PTK2B: variants seen among roughly 807,000 people sequenced by gnomAD.
PTK2B encodes protein-tyrosine kinase 2-beta.
In PTK2B, 71 loss-of-function variants were observed where a neutral mutation model predicts 142.9. The ratio of observed to expected loss-of-function variants is 0.50; its 90% CI spans 0.41 to 0.61. The LOEUF is 0.61. Among genes scored for constraint, PTK2B ranks in the 20% least tolerant of loss-of-function variants. The pLI, the probability that PTK2B is intolerant of heterozygous loss-of-function variation, is 0.00. For synonymous variants in PTK2B, 519 were observed against 503.4 expected, an observed-to-expected ratio of 1.03 and a Z score of -0.42; for missense variants, 1,105 against 1,320.4, an observed-to-expected ratio of 0.84 and a Z score of 2.53.
Position 27,358,111 on chromosome 8 carries a change from T to A in PTK2B, c.-38+32430T>A, listed in dbSNP as rs577583860. On this transcript the variant is annotated intron_variant, in intron 1 of 30. Transcript: ENST00000346049. Reference sequence around the variant, plus strand: ...CATAGTAGACGTTCCCTTTTTCTCATTAGTTCTCTTCATCCTCACTCTTTG... The same window carrying A: ...CATAGTAGACGTTCCCTTTTTCTCAATAGTTCTCTTCATCCTCACTCTTTG... 2.0e-5 allele frequency among the ~76,000 whole-genome samples: 3 copies of A among 152,356 alleles called. No homozygotes were observed. The East Asian group carries it at 5.8e-4, about 29-fold the overall frequency.
At chr8:27,320,272 C>G (rs1485296944) in intron 3 of PTK2B, among the ~76,000 whole-genome samples, 2 of 152,132 alleles carry the variant, frequency 1.3e-5, no homozygotes, top group Non-Finnish European at 2.9e-5. Context: ...CTTTCATGGC[C>G]ATGAGACAAG....
chr8:27,391,054 ACT>A lies in PTK2B; in HGVS notation c.-37-6486_-37-6485del, dbSNP rs1166972947. On this transcript the variant is annotated intron_variant, in intron 1 of 30. Coordinates refer to ENST00000346049, the MANE Select transcript of PTK2B (RefSeq NM_173176.3). ...CTTTCTGACTAATGGGCCCCTTTCC[ACT>A]CTCTCTCAAATCAGGAACAGAACCT... Among the ~76,000 whole-genome samples, 5 of 147,108 alleles carry A rather than the reference ACT, an allele frequency of 3.4e-5. No homozygotes were observed. The South Asian group carries it at 6.5e-4, about 19-fold the overall frequency.
At chr8:27,357,708 G>A (rs1017182368) in intron 1 of PTK2B, among the ~76,000 whole-genome samples, 11 of 152,176 alleles carry the variant, frequency 7.2e-5, no homozygotes, top group African/African-American at 2.4e-4. Flanking sequence ...GATATAGATA[G>A]CCAAGAGTAA....
At chr8:27,319,215 C>T (rs1438893748) in intron 3 of PTK2B, among the ~76,000 whole-genome samples, 1 of 151,958 alleles carries the variant, frequency 6.6e-6, no homozygotes, top group Admixed American at 6.6e-5. Context: ...CCCCACATAC[C>T]CATCATTCAG....
At chr8:27,441,158 C>G (rs1486274033) in intron 21 of PTK2B, among the ~76,000 whole-genome samples, 1 of 152,180 alleles carries the variant, frequency 6.6e-6, no homozygotes, top group Non-Finnish European at 1.5e-5. Flanking sequence ...ACTGCTAACT[C>G]TCTTAGCTCA....
At chr8:27,437,741 G>A (rs975731001) in intron 17 of PTK2B, 24 bp from the exon 18 acceptor site, 2 of 1,594,090 alleles carry the variant, frequency 1.3e-6, no homozygotes, top group Non-Finnish European at 1.7e-6. Flanking sequence ...CAGGGGTCTT[G>A]ATGGCACCTC....
At chr8:27,436,571 G>A (rs1346772250) in intron 15 of PTK2B, among the ~76,000 whole-genome samples, 1 of 152,058 alleles carries the variant, frequency 6.6e-6, no homozygotes, top group African/African-American at 2.4e-5. Flanking sequence ...CAGGGGTGGA[G>A]ATATAGGCAG....
chr8:27,447,628 G>A (rs1811549755), intron 24 of PTK2B, among the ~76,000 whole-genome samples: 2 of 152,240 alleles, frequency 1.3e-5, no homozygotes, highest in Admixed American at 6.5e-5. Flanking sequence ...GGAGGCCAAG[G>A]TGGGTGGATC....
intron 1 of PTK2B, among the ~76,000 whole-genome samples, chr8:27,358,313 T>C (rs1039300573): frequency 6.6e-6 from 1 of 152,184 alleles, no homozygotes; most frequent in Non-Finnish European, 1.5e-5. Context: ...AAAGAAGCAA[T>C]ACTTTTTGCA....
At chr8:27,358,392 C>T (rs1805508792) in intron 1 of PTK2B, among the ~76,000 whole-genome samples, 1 of 152,112 alleles carries the variant, frequency 6.6e-6, no homozygotes, top group South Asian at 2.1e-4. Context: ...ATGATTGTAA[C>T]TTCTTGGCAA....
chr8:27,375,184 T>G (rs1289517800), intron 1 of PTK2B, among the ~76,000 whole-genome samples: 1 of 152,220 alleles, frequency 6.6e-6, no homozygotes, highest in South Asian at 2.1e-4. Context: ...GTGCCAAGGC[T>G]GCAGCATAGG....
intron 23 of PTK2B, among the ~76,000 whole-genome samples, chr8:27,444,889 T>C (rs928187292): frequency 1.3e-5 from 2 of 152,128 alleles, no homozygotes; most frequent in Non-Finnish European, 1.5e-5. Flanking sequence ...ATAATGTCCA[T>C]TTAGTTGGTG....
chr8:27,359,727 CTCTT>C (rs1427076910), intron 1 of PTK2B, among the ~76,000 whole-genome samples: 2 of 152,292 alleles, frequency 1.3e-5, no homozygotes, highest in Admixed American at 1.3e-4. Flanking sequence ...TTTACCTTCT[CTCTT>C]TCTTTCTCTC....
At chr8:27,443,024 C>G in intron 22 of PTK2B, 41 bp downstream of exon 22, 1 of 1,511,892 alleles carries the variant, frequency 6.6e-7, no homozygotes, top group South Asian at 1.1e-5. Flanking sequence ...TGAGTCAAAG[C>G]AAAGCCAGGT....
intron 1 of PTK2B, among the ~76,000 whole-genome samples, chr8:27,388,718 C>T (rs1223151267): frequency 6.6e-6 from 1 of 152,180 alleles, no homozygotes; most frequent in African/African-American, 2.4e-5. Flanking sequence ...AAAGTATTTA[C>T]ACCAGAGAAA....
In PTK2B at chr8:27,422,512, C is replaced by T. The variant is rs1387346881; in HGVS notation, c.551+129C>T. 47 of 872,916 alleles carry T rather than the reference C, an allele frequency of 5.4e-5. No individual in the cohort carries two copies. The Admixed American group carries it at 1.3e-3, about 25-fold the overall frequency. The allele number at this position is 872,916 out of a possible 1,614,324, so 54.1% of individuals were successfully genotyped here. A position where few individuals can be genotyped will look rare whatever the true frequency, so the allele number is the denominator to read the frequency against. ...AGCCAGGAAGGGGAGAGGTGGTGAC[C>T]GGCAGCAGGTGAGGCTCTGAGGGGC... On this transcript the variant is annotated intron_variant, in intron 5 of 30. Transcript: ENST00000346049.
At chr8:27,361,197 CT>C (rs1401058268) in intron 1 of PTK2B, among the ~76,000 whole-genome samples, 2 of 152,002 alleles carry the variant, frequency 1.3e-5, no homozygotes, top group African/African-American at 4.8e-5. Context: ...CCAGATTTAG[CT>C]TTTTATTTCT....
At chr8:27,441,428 T>C (rs1488252522) in intron 21 of PTK2B, among the ~76,000 whole-genome samples, 1 of 152,178 alleles carries the variant, frequency 6.6e-6, no homozygotes, top group Non-Finnish European at 1.5e-5. Flanking sequence ...CTTAATTGAC[T>C]TGAAAAATAT....
intron 12 of PTK2B, 83 bp from the exon 13 acceptor site, chr8:27,434,430 G>T: frequency 7.0e-7 from 1 of 1,421,434 alleles, no homozygotes; most frequent in Admixed American, 2.1e-5. Flanking sequence ...CAGGGGGCAG[G>T]AGGAGAGGGC....
Sources: allele counts gnomAD v4.1 joint callset (sites outside exome capture counted in the v4.1 genomes callset), GRCh38; gene constraint gnomAD v4.1.1; transcripts MANE v1.5; gene names NCBI Gene and HGNC (gene_info 2026-07-23, HGNC 2026-07-21).